The following CCDC91 variants were observed in gnomAD, a reference collection of about 807,000 sequenced individuals.
CCDC91 encodes the protein coiled-coil domain-containing protein 91.
Under a neutral mutation model 63.2 loss-of-function variants are expected in CCDC91, and 48 were observed. The ratio of observed to expected loss-of-function variants is 0.76; its 90% CI spans 0.60 to 0.97. The LOEUF (loss-of-function observed/expected upper bound fraction) is 0.97, where lower values mean the gene tolerates loss of function less well. CCDC91 is among the 50% of genes least tolerant of loss of function. CCDC91 has a pLI of 0.00. For synonymous variants in CCDC91, 167 were observed against 165.8 expected, an observed-to-expected ratio of 1.01 and a Z score of -0.06; for missense variants, 500 against 494.6, an observed-to-expected ratio of 1.01 and a Z score of -0.10.
Position 28,524,968 on chromosome 12 carries a change from T to G in CCDC91, c.1216-24095T>G, listed in dbSNP as rs577335600. ...TCTCCCATTTCATTTCTAATTGAGC[T>G]TAGTTGGATGTTCTCTCTTCTTTTC... On this transcript the variant is annotated intron_variant, in intron 12 of 12. Transcript: ENST00000536442. 3.7e-4 allele frequency among the ~76,000 whole-genome samples: 57 copies of G among 152,286 alleles called. 1 individual carries two copies. In the South Asian group the frequency reaches 7.9e-3, roughly 21 times the overall value.
intron 1 of CCDC91, among the ~76,000 whole-genome samples, chr12:28,218,699 TTGTG>T (rs60247849): frequency 0.015 from 2,262 of 146,610 alleles, 14 homozygotes; most frequent in Middle Eastern, 0.028. Flanking sequence ...TTGCAGATGT[TTGTG>T]TGTGTGTGTG....
chr12:28,394,718 C>A (rs1184815700), intron 8 of CCDC91, among the ~76,000 whole-genome samples: 1 of 151,736 alleles, frequency 6.6e-6, no homozygotes, highest in Non-Finnish European at 1.5e-5. Flanking sequence ...CTTGCTCTCT[C>A]TCTCTCTCTC....
intron 6 of CCDC91, among the ~76,000 whole-genome samples, chr12:28,340,514 T>C (rs1310992717): frequency 6.6e-6 from 1 of 152,238 alleles, no homozygotes; most frequent in South Asian, 2.1e-4. Flanking sequence ...CCTTCATTCC[T>C]TGGCTCATGG....
At chr12:28,502,232 A>T in intron 12 of CCDC91, among the ~76,000 whole-genome samples, 1 of 151,922 alleles carries the variant, frequency 6.6e-6, no homozygotes, top group Non-Finnish European at 1.5e-5. Context: ...ACTTCAGCAA[A>T]GTCTCAGGAT....
At chr12:28,477,254 TC>T (rs2140805995) in intron 11 of CCDC91, among the ~76,000 whole-genome samples, 2 of 151,994 alleles carry the variant, frequency 1.3e-5, no homozygotes, top group East Asian at 3.9e-4. Context: ...CAGCAGCATA[TC>T]AAAAAGCTTA....
intron 8 of CCDC91, among the ~76,000 whole-genome samples, chr12:28,444,100 G>A (rs917866326): frequency 6.6e-6 from 1 of 152,176 alleles, no homozygotes; most frequent in Non-Finnish European, 1.5e-5. Context: ...TGATAGCACA[G>A]TAAATTCACT....
At chr12:28,462,854 T>C (rs534261859) in intron 11 of CCDC91, among the ~76,000 whole-genome samples, 3 of 152,064 alleles carry the variant, frequency 2.0e-5, no homozygotes, top group Non-Finnish European at 4.4e-5. Context: ...TCTACCCACA[T>C]TGTGATGTAG....
In CCDC91 at chr12:28,500,965, AT is replaced by A. The variant is rs1169619387; in HGVS notation, c.1215+16807del. Among the ~76,000 whole-genome samples, 3 of 151,798 alleles carry A rather than the reference AT, an allele frequency of 2.0e-5. No homozygotes were observed. In the East Asian group the frequency reaches 5.8e-4, roughly 30 times the overall value. ...TCTCATATATACTTCAGGTTCTTCAATTTTTTTAAATGTGTAAGGCTATTAG... is the reference window on the plus strand; with the variant it reads ...TCTCATATATACTTCAGGTTCTTCAATTTTTTAAATGTGTAAGGCTATTAG... On this transcript the variant is annotated intron_variant, in intron 12 of 12. Coordinates refer to ENST00000536442, the MANE Select transcript of CCDC91 (RefSeq NM_018318.5).
At chr12:28,362,347 C>G in intron 6 of CCDC91, 91 bp from the exon 7 acceptor site, 1 of 749,626 alleles carries the variant, frequency 1.3e-6, no homozygotes, top group East Asian at 2.8e-5. Flanking sequence ...ACCACTGAAT[C>G]ATTCGTGGAA....
intron 12 of CCDC91, among the ~76,000 whole-genome samples, chr12:28,544,053 G>A (rs1257601838): frequency 3.2e-5 from 4 of 126,248 alleles, no homozygotes; most frequent in Admixed American, 8.2e-5. Flanking sequence ...TGTTTTCCAC[G>A]TAATAATTTG....
intron 12 of CCDC91, among the ~76,000 whole-genome samples, chr12:28,500,568 T>C (rs1937693983): frequency 6.6e-6 from 1 of 151,734 alleles, no homozygotes; most frequent in Admixed American, 6.6e-5. Context: ...ATGAGTCATT[T>C]CTCACTAGGC....
In CCDC91 at chr12:28,452,584, A is replaced by T; in HGVS notation, c.1031A>T (p.His344Leu). Residue 344 changes from histidine to leucine, a missense_variant, in exon 11 of 13, where the codon CAT becomes CTT. Transcript: ENST00000536442. ...GAAAGGGAATTATGGAAGACAGAAC[A>T]TGCAAAAGATCAAGAAAAAGTATCT... Reference protein sequence around the residue: ...AEERELWKTEHAKDQEKVSQE... With the variant: ...AEERELWKTELAKDQEKVSQE... The T allele has an allele frequency of 5.0e-6, 8 of 1,586,542 alleles. No homozygotes were observed. Among genetic ancestry groups the T allele is most frequent in the Non-Finnish European group, 6.8e-6 (8 of 1,168,122 alleles).
chr12:28,202,654 C>G (rs1363044068), intron 1 of CCDC91, among the ~76,000 whole-genome samples: 2 of 152,234 alleles, frequency 1.3e-5, no homozygotes, highest in African/African-American at 2.4e-5. Flanking sequence ...GTTTATAACT[C>G]TACTTTAGCT....
chr12:28,261,796 G>A (rs995847324), intron 3 of CCDC91, among the ~76,000 whole-genome samples: 2 of 151,688 alleles, frequency 1.3e-5, no homozygotes, highest in African/African-American at 2.4e-5. Flanking sequence ...AAACCTTCGC[G>A]AAACTGGAAT....
chr12:28,271,245 A>G (rs1947750118), intron 3 of CCDC91, among the ~76,000 whole-genome samples: 1 of 152,120 alleles, frequency 6.6e-6, no homozygotes, highest in Non-Finnish European at 1.5e-5. Flanking sequence ...TCAAGTGTTA[A>G]CTTTTGGCAA....
intron 8 of CCDC91, among the ~76,000 whole-genome samples, chr12:28,442,065 G>A (rs1388310809): frequency 1.3e-5 from 2 of 152,026 alleles, no homozygotes; most frequent in African/African-American, 2.4e-5. Context: ...AGTGATAGGT[G>A]TAGAGAGTTC....
intron 6 of CCDC91, among the ~76,000 whole-genome samples, chr12:28,330,078 G>A (rs1241931370): frequency 1.3e-5 from 2 of 152,132 alleles, no homozygotes; most frequent in East Asian, 1.9e-4. Flanking sequence ...GTAAACATAC[G>A]TGTGCCTGTG....
intron 8 of CCDC91, among the ~76,000 whole-genome samples, chr12:28,431,540 A>C (rs1000319840): frequency 6.6e-6 from 1 of 152,034 alleles, no homozygotes; most frequent in African/African-American, 2.4e-5. Flanking sequence ...CCTAATACCT[A>C]TTTTTCCATT....
At chr12:28,415,268 G>T (rs1947572636) in intron 8 of CCDC91, among the ~76,000 whole-genome samples, 2 of 151,646 alleles carry the variant, frequency 1.3e-5, no homozygotes, top group South Asian at 4.2e-4. Context: ...TTGTTGCCCA[G>T]GCTGGAGTGC....
Sources: allele counts gnomAD v4.1 joint callset (sites outside exome capture counted in the v4.1 genomes callset), GRCh38; gene constraint gnomAD v4.1.1; transcripts MANE v1.5; gene names NCBI Gene and HGNC (gene_info 2026-07-23, HGNC 2026-07-21).